Variants in UBE2J2 observed in about 807,000 individuals in gnomAD.
The protein encoded by UBE2J2 is ubiquitin conjugating enzyme E2 J2, also known as ubiquitin-conjugating enzyme E2 J2.
Under a neutral mutation model 28.6 loss-of-function variants are expected in UBE2J2, and 5 were observed. The observed-to-expected ratio is 0.17, with a 90% CI of 0.09 to 0.37. UBE2J2 has a LOEUF of 0.37. Ranked by LOEUF, UBE2J2 falls within the 10% of genes least tolerant of loss-of-function variation. The pLI, the probability that UBE2J2 is intolerant of heterozygous loss-of-function variation, is 1.00. For missense variants in UBE2J2, 226 were observed against 338.9 expected (o/e 0.67, Z 2.62); for synonymous variants, 138 against 139.7 (o/e 0.99, Z 0.09).
rs1639944524 is a variant in UBE2J2, at chr1:1,267,631, C to T, written c.131+231G>A. The T allele has an allele frequency of 3.4e-6, 4 of 1,165,960 alleles. No individual in the cohort carries two copies. The East Asian group carries it at 1.3e-4, about 38-fold the overall frequency. 72.2% of individuals were successfully genotyped at this position (1,165,960 alleles called of 1,614,324 possible). ...AAGGGCCCCACACCGGAGATTCTCT[C>T]CAGCCCCAGCCTGAGTCAAGCATGG... is the stretch of plus-strand genomic sequence containing the variant. On this transcript the variant is annotated intron_variant, in intron 2 of 6. Transcript: ENST00000349431.
intron 2 of UBE2J2, among the ~76,000 whole-genome samples, chr1:1,265,602 A>G (rs1461600399): frequency 4.1e-5 from 2 of 49,360 alleles, no homozygotes; most frequent in African/African-American, 1.8e-4. Flanking sequence ...TTTTCTCTCC[A>G]TTGTGTGTGT....
At chr1:1,266,482 C>A (rs912078841) in intron 2 of UBE2J2, among the ~76,000 whole-genome samples, 2 of 151,766 alleles carry the variant, frequency 1.3e-5, no homozygotes, top group African/African-American at 2.4e-5. Flanking sequence ...GCCGAGATCA[C>A]GCCATTGCAC....
intron 1 of UBE2J2, among the ~76,000 whole-genome samples, chr1:1,272,233 CACAG>C (rs1405660564): frequency 1.3e-5 from 2 of 152,084 alleles, no homozygotes; most frequent in Non-Finnish European, 2.9e-5. Context: ...CAAACATCCC[CACAG>C]ACAAAGGACA....
rs1639077017 is a variant in UBE2J2, at chr1:1,254,720, A to G, written c.*483T>C. 1 of 156,388 alleles carries G rather than the reference A, an allele frequency of 6.4e-6. No homozygotes were observed. The highest frequency in any genetic ancestry group is 2.0e-4 in the South Asian group (1 of 4,918). The allele number at this position is 156,388 out of a possible 1,614,324, so 9.7% of individuals were successfully genotyped here. On this transcript the variant is annotated 3_prime_UTR_variant, in exon 7 of 7. Transcript: ENST00000349431. ...AGCCACGGCCGTCACTGGCCCCGCT[A>G]AGCCTCATCACCACACGGCCAGGCC...
intron 2 of UBE2J2, 158 bp downstream of exon 2, chr1:1,267,704 G>A: frequency 1.4e-6 from 2 of 1,471,558 alleles, no homozygotes; most frequent in Non-Finnish European, 1.8e-6. Flanking sequence ...ACCAGAGAGT[G>A]TCCACAGGCC....
At chr1:1,273,426 G>A (rs1335690608) in intron 1 of UBE2J2, 5 of 152,264 alleles carry the variant, frequency 3.3e-5, no homozygotes, top group Non-Finnish European at 5.9e-5. Flanking sequence ...CCCAGCTGAC[G>A]GGAAACCCGG....
intron 3 of UBE2J2, among the ~76,000 whole-genome samples, chr1:1,261,570 TA>T: frequency 6.6e-6 from 1 of 151,800 alleles, no homozygotes; most frequent in East Asian, 1.9e-4. Flanking sequence ...TATTTATTTT[TA>T]AAAAACTAAA....
chr1:1,263,913 G>A (rs865884144), intron 2 of UBE2J2, among the ~76,000 whole-genome samples: 22 of 152,208 alleles, frequency 1.4e-4, no homozygotes, highest in Admixed American at 3.9e-4. Flanking sequence ...GATCACTTGA[G>A]CCCAGGAGTT....
At chr1:1,266,090 C>T in intron 2 of UBE2J2, 1 of 1,304,062 alleles carries the variant, frequency 7.7e-7, no homozygotes, top group Non-Finnish European at 1.0e-6. Context: ...GGAACTTGTC[C>T]CTCTCACCTG....
Position 1,270,490 on chromosome 1 carries a change from A to G in UBE2J2, c.1-2498T>C, listed in dbSNP as rs561976907. On this transcript the variant is annotated intron_variant, in intron 1 of 6. Transcript: ENST00000349431. Reference sequence around the variant, plus strand: ...CGCGTGCTCCCAAATGTGTGGCCTCAGCACCACCCCCAACCCTGCTTCTTG... The same window carrying G: ...CGCGTGCTCCCAAATGTGTGGCCTCGGCACCACCCCCAACCCTGCTTCTTG... Among the ~76,000 whole-genome samples, 28 of 152,246 alleles carry G rather than the reference A, an allele frequency of 1.8e-4. No individual in the cohort carries two copies. The South Asian group carries it at 5.2e-3, about 28-fold the overall frequency.
intron 2 of UBE2J2, among the ~76,000 whole-genome samples, chr1:1,265,326 C>T (rs1016369924): frequency 2.4e-4 from 36 of 152,204 alleles, no homozygotes; most frequent in African/African-American, 8.4e-4. Context: ...ACATGGGCTA[C>T]GCTGAGCCCC....
At chr1:1,263,762 G>A (rs998252646) in intron 2 of UBE2J2, among the ~76,000 whole-genome samples, 3 of 152,204 alleles carry the variant, frequency 2.0e-5, no homozygotes, top group South Asian at 2.1e-4. Flanking sequence ...GGGAGGGCAC[G>A]GTGGAAGATC....
chr1:1,267,971 T>A lies in UBE2J2; in HGVS notation c.22A>T (p.Arg8Trp). 1 of 1,614,012 alleles carries A rather than the reference T, an allele frequency of 6.2e-7. No individual in the cohort carries two copies. The highest frequency in any genetic ancestry group is 8.5e-7 in the Non-Finnish European group (1 of 1,179,954). MSSTSSKRAPTTATQRLK... is the reference protein window; with the variant it reads MSSTSSKWAPTTATQRLK... ...CTCTGGGTTGCCGTGGTCGGAGCCC[T>A]CTTACTGCTGGTGCTGCTCATCTGT... is the stretch of plus-strand genomic sequence containing the variant. Residue 8 changes from arginine (R) to tryptophan (W), a missense_variant, in exon 2 of 7, where the codon AGG (arginine) becomes TGG (tryptophan). Physicochemically the swap from Arg to Trp is moderately radical, Grantham distance 101 (BLOSUM62 -3). Transcript: ENST00000349431.
At chr1:1,256,462 T>A (rs1290327719) in intron 5 of UBE2J2, 1 of 273,316 alleles carries the variant, frequency 3.7e-6, no homozygotes, top group South Asian at 4.1e-5. Flanking sequence ...CGGGTGTGGA[T>A]GAGGCTGGAT....
chr1:1,266,054 G>A (rs746267410), intron 2 of UBE2J2: 22 of 1,303,196 alleles, frequency 1.7e-5, no homozygotes, highest in Middle Eastern at 4.3e-4. Flanking sequence ...AGACGTCCTC[G>A]CAACCAGCGA....
Position 1,257,130 on chromosome 1 carries a change from C to T in UBE2J2, c.276G>A (p.Arg92=). The T allele has an allele frequency of 1.2e-6, 2 of 1,610,098 alleles. No homozygotes were observed. Among genetic ancestry groups the T allele is most frequent in the East Asian group, 2.2e-5 (1 of 44,796 alleles). ...GGAAATCCGTGATAGAAAGACACAGCCTGCAAAACGGGGGCCCCGTCAGTG... is the reference window on the plus strand; with the variant it reads ...GGAAATCCGTGATAGAAAGACACAGTCTGCAAAACGGGGGCCCCGTCAGTG... The part of the protein sequence containing the change: ...TPNGRFKCNT[R]LCLSITDFHP... Residue 92 remains arginine, a splice_region_variant and synonymous_variant, in exon 5 of 7, where the codon AGG becomes AGA. Transcript: ENST00000349431.
rs1242482903 is a variant in UBE2J2 at position 1,268,543 on chromosome 1, C to T, written c.1-551G>A. On this transcript the variant is annotated intron_variant, in intron 1 of 6. Transcript: ENST00000349431. The surrounding 1 kb of genome is among the most constrained non-coding windows in gnomAD (Gnocchi z 4.7). ...GCTGGAGGGACGAGGACTCTGGAGA[C>T]TCCAAGGCACTCACTGGGCAGAGCA... is the stretch of plus-strand genomic sequence containing the variant. Among the ~76,000 whole-genome samples, 1 of 152,148 alleles carries T rather than the reference C, an allele frequency of 6.6e-6. No homozygotes were observed. The highest frequency in any genetic ancestry group is 2.4e-5 in the African/African-American group (1 of 41,420).
At position 1,255,938 on chromosome 1, in the gene UBE2J2, C is replaced by G. The variant is rs1639149698; in HGVS notation, c.495+107G>C. The stretch of plus-strand genomic sequence containing the variant: ...GGCTCCTGGGGGAGAGGAGCCATCC[C>G]CTGGGGAGGTCTGCAGCTTCAGGAC... On this transcript the variant is annotated intron_variant, in intron 6 of 6. Coordinates refer to ENST00000349431, the MANE Select transcript of UBE2J2 (RefSeq NM_058167.3). 3.5e-6 allele frequency: 3 copies of G among 848,618 alleles called. No homozygotes were observed. In the South Asian group the frequency reaches 4.6e-5, roughly 13 times the overall value. The allele number at this position is 848,618 out of a possible 1,614,324, so 52.6% of individuals were successfully genotyped here. A position where few individuals can be genotyped will look rare whatever the true frequency, so the allele number is the denominator to read the frequency against.
In UBE2J2 at chr1:1,266,109, G is replaced by A. The variant is rs138310679; in HGVS notation, c.131+1753C>T. On this transcript the variant is annotated intron_variant, in intron 2 of 6. Transcript: ENST00000349431. ...CTTGTCCCTCTCACCTGCCAGCGAT[G>A]TCCTGGGGCCACATGTGATTTTCAA... The A allele has an allele frequency of 2.2e-3, 2,867 of 1,304,140 alleles. 4 individuals are homozygous for A. Among genetic ancestry groups the A allele is most frequent in the Non-Finnish European group, 2.6e-3 (2,618 of 988,882 alleles). The allele number at this position is 1,304,140 out of a possible 1,614,324, so 80.8% of individuals were successfully genotyped here.
Sources: gnomAD v4.1 joint callset for allele counts (sites outside exome capture counted in the v4.1 genomes callset) on GRCh38, gnomAD v4.1.1 for gene constraint, Gnocchi (gnomAD v3.1) non-coding constraint, MANE v1.5 for transcripts, NCBI Gene and HGNC (gene_info 2026-07-23, HGNC 2026-07-21) for gene names.